The following PCDHGA9 variants were observed in gnomAD, a reference collection of about 807,000 sequenced individuals.
PCDHGA9 encodes the protein protocadherin gamma-A9.
PCDHGA9 carries 37 observed loss-of-function variants against 62.5 expected under a neutral mutation model. The ratio of observed to expected loss-of-function variants is 0.59; its 90% confidence interval spans 0.46 to 0.78. The LOEUF (loss-of-function observed/expected upper bound fraction) is 0.78, where lower values mean the gene tolerates loss of function less well. Among genes scored for constraint, PCDHGA9 ranks in the 30% least tolerant of loss-of-function variants. PCDHGA9 has a pLI of 0.00. For synonymous variants in PCDHGA9, 459 were observed against 484.6 expected (o/e 0.95, Z 0.69); for missense variants, 1,138 against 1,166.2 (o/e 0.98, Z 0.35).
intron 1 of PCDHGA9, among the ~76,000 whole-genome samples, chr5:141,469,207 G>T (rs2099193654): frequency 6.6e-6 from 1 of 151,820 alleles, no homozygotes; most frequent in African/African-American, 2.4e-5. Flanking sequence ...GCCTTTTGAA[G>T]TTGAGGCTTC....
intron 1 of PCDHGA9, chr5:141,423,310 G>A (rs1175296469): frequency 1.2e-6 from 2 of 1,614,180 alleles, no homozygotes; most frequent in Admixed American, 1.7e-5. Flanking sequence ...GCTGTACTTG[G>A]TGGTGGCGGT....
intron 1 of PCDHGA9, chr5:141,422,627 C>T: frequency 6.2e-7 from 1 of 1,613,350 alleles, no homozygotes; most frequent in Non-Finnish European, 8.5e-7. Flanking sequence ...GAAAACAACC[C>T]CAGGGGTGCC....
chr5:141,423,569 T>A, intron 1 of PCDHGA9: 2 of 1,613,480 alleles, frequency 1.2e-6, no homozygotes, highest in Non-Finnish European at 1.7e-6. Context: ...GACACGCTCA[T>A]CAGCCAGGAG....
Position 141,431,920 on chromosome 5 carries a change from A to C in PCDHGA9, c.2424+26544A>C. On this transcript the variant is annotated intron_variant, in intron 1 of 3. Transcript: ENST00000573521. The surrounding 1 kb of genome is among the most constrained non-coding windows in gnomAD (Gnocchi z 4.8). ...ACGGACAGGTGATCTGTTTCATCCA[A>C]GGAAATCTGCCCTTTAAATTAGAAA... 1 of 1,614,164 alleles carries C rather than the reference A, an allele frequency of 6.2e-7. No individual in the cohort carries two copies. Among genetic ancestry groups the C allele is most frequent in the Non-Finnish European group, 8.5e-7 (1 of 1,179,976 alleles).
chr5:141,431,571 A>T lies in PCDHGA9; in HGVS notation c.2424+26195A>T, dbSNP rs781289120. 1.2e-6 allele frequency: 2 copies of T among 1,614,026 alleles called. No homozygotes were observed. Among genetic ancestry groups the T allele is most frequent in the African/African-American group, 1.3e-5 (1 of 74,938 alleles). On this transcript the variant is annotated intron_variant, in intron 1 of 3. Coordinates refer to ENST00000573521, the MANE Select transcript of PCDHGA9 (RefSeq NM_018921.3). This position sits in a 1 kb window ranked among gnomAD's most constrained non-coding sequence, Gnocchi z 4.8. ...GTAGTCAACGCTACCGACCCTGACG[A>T]AGGAGTCAATGCGGAAGTGAGGTAT...
Position 141,491,713 on chromosome 5 carries a change from G to T in PCDHGA9, c.2425-3094G>T. The T allele has an allele frequency of 6.2e-7, 1 of 1,609,174 alleles. No individual in the cohort carries two copies. The highest frequency in any genetic ancestry group is 8.5e-7 in the Non-Finnish European group (1 of 1,178,054). On this transcript the variant is annotated intron_variant, in intron 1 of 3. Transcript: ENST00000573521. The surrounding 1 kb of genome is among the most constrained non-coding windows in gnomAD (Gnocchi z 6.9). ...GGAGCGGAGCCAGGTGAGGGGCTCG[G>T]CGCCGCCCCGGGCGACCCCTGGGGG...
At chr5:141,448,359 CTTTA>C in intron 1 of PCDHGA9, among the ~76,000 whole-genome samples, 1 of 152,074 alleles carries the variant, frequency 6.6e-6, no homozygotes, top group East Asian at 1.9e-4. Context: ...TAGTAGTTTT[CTTTA>C]TTTTATTTTT....
chr5:141,408,725 A>G, intron 1 of PCDHGA9: 1 of 1,610,988 alleles, frequency 6.2e-7, no homozygotes, highest in Non-Finnish European at 8.5e-7. Context: ...GATAAACTCT[A>G]ATCCTTATTT....
rs200646513 is a variant in PCDHGA9, at chr5:141,421,389, G to A, written c.2424+16013G>A. ...TGGGCAATATCTCCAAGGACCTGGG[G>A]CTGGAGCCCCGGGAGCTGGCGAAGC... On this transcript the variant is annotated intron_variant, in intron 1 of 3. Coordinates refer to ENST00000573521, the MANE Select transcript of PCDHGA9 (RefSeq NM_018921.3). The A allele has an allele frequency of 1.7e-3, 2,771 of 1,614,052 alleles. 5 individuals carry two copies. The highest frequency in any genetic ancestry group is 2.2e-3 in the Non-Finnish European group (2,560 of 1,179,918).
At chr5:141,414,285 A>G (rs766515802) in intron 1 of PCDHGA9, 1 of 1,613,634 alleles carries the variant, frequency 6.2e-7, no homozygotes, top group East Asian at 2.2e-5. Context: ...GAACAGTCGT[A>G]GCCCTTTTAA....
intron 1 of PCDHGA9, chr5:141,421,617 C>A (rs781622911): frequency 6.2e-7 from 1 of 1,613,768 alleles, no homozygotes; most frequent in South Asian, 1.1e-5. Flanking sequence ...TTAATGATAA[C>A]GCCCCCAGCT....
chr5:141,432,128 T>C lies in PCDHGA9; in HGVS notation c.2424+26752T>C. 3 of 1,614,080 alleles carry C rather than the reference T, an allele frequency of 1.9e-6. No homozygotes were observed. Among genetic ancestry groups the C allele is most frequent in the Non-Finnish European group, 2.5e-6 (3 of 1,180,016 alleles). On this transcript the variant is annotated intron_variant, in intron 1 of 3. Coordinates refer to ENST00000573521, the MANE Select transcript of PCDHGA9 (RefSeq NM_018921.3). This position sits in a 1 kb window ranked among gnomAD's most constrained non-coding sequence, Gnocchi z 6.0. ...CCCGCCGGTCTTCCCTCAGGCCTCC[T>C]ATTCCGCTTATATCCCAGAGAACAA... is the stretch of plus-strand genomic sequence containing the variant.
At position 141,491,733 on chromosome 5, in the gene PCDHGA9, TGGGGGCGGCAC is replaced by T; in HGVS notation, c.2425-3073_2425-3063del. 1.9e-6 allele frequency: 3 copies of T among 1,602,698 alleles called. No individual in the cohort carries two copies. The highest frequency in any genetic ancestry group is 2.6e-6 in the Non-Finnish European group (3 of 1,175,258). On this transcript the variant is annotated intron_variant, in intron 1 of 3. Coordinates refer to ENST00000573521, the MANE Select transcript of PCDHGA9 (RefSeq NM_018921.3). The surrounding 1 kb of genome is among the most constrained non-coding windows in gnomAD (Gnocchi z 6.9). ...GCTCGGCGCCGCCCCGGGCGACCCC[TGGGGGCGGCAC>T]TGGAGAAGCCGCCCGTCCTCATAAG...
rs1412265811 is a variant in PCDHGA9, at chr5:141,461,565, A to G, written c.2425-33242A>G. Among the ~76,000 whole-genome samples the G allele has an allele frequency of 2.6e-5, 4 of 152,178 alleles. No individual in the cohort carries two copies. The East Asian group carries it at 7.7e-4, about 29-fold the overall frequency. On this transcript the variant is annotated intron_variant, in intron 1 of 3. Coordinates refer to ENST00000573521, the MANE Select transcript of PCDHGA9 (RefSeq NM_018921.3). ...CCTTTGTCAGATGTGTACTTTGCAA[A>G]GATAATATTTTGGATGTTATATTTC...
chr5:141,420,277 A>C, intron 1 of PCDHGA9: 1 of 1,518,166 alleles, frequency 6.6e-7, no homozygotes, highest in Non-Finnish European at 8.9e-7. Flanking sequence ...TTAAACAGGT[A>C]AGTATTTAAA....
At chr5:141,494,644 G>A in intron 1 of PCDHGA9, 163 bp from the exon 2 acceptor site, 1 of 933,684 alleles carries the variant, frequency 1.1e-6, no homozygotes. Flanking sequence ...TGAGACCTGA[G>A]GTGTATTTTG....
intron 1 of PCDHGA9, chr5:141,430,820 G>C (rs1194897001): frequency 6.5e-7 from 1 of 1,541,598 alleles, no homozygotes; most frequent in East Asian, 2.3e-5. Context: ...AATCCTCCTG[G>C]GGACTCTGTG....
In PCDHGA9 at chr5:141,512,385, A is replaced by G. The variant is rs78180647; in HGVS notation, c.*1212A>G. 6,750 of 152,704 alleles carry G rather than the reference A, an allele frequency of 0.044. 413 individuals carry two copies. Among genetic ancestry groups the G allele is most frequent in the Admixed American group, 0.18 (2,745 of 15,296 alleles). The allele number at this position is 152,704 out of a possible 1,614,324, so 9.5% of individuals were successfully genotyped here. ...TAGGGCAGGGACCAAATGAACAGAAAGTCTCAGCCCAGGATGGGGCTTCTT... is the reference window on the plus strand; with the variant it reads ...TAGGGCAGGGACCAAATGAACAGAAGGTCTCAGCCCAGGATGGGGCTTCTT... On this transcript the variant is annotated 3_prime_UTR_variant, in exon 4 of 4. Coordinates refer to ENST00000573521, the MANE Select transcript of PCDHGA9 (RefSeq NM_018921.3).
intron 1 of PCDHGA9, among the ~76,000 whole-genome samples, chr5:141,475,204 A>G (rs2099360413): frequency 6.6e-6 from 1 of 152,176 alleles, no homozygotes; most frequent in African/African-American, 2.4e-5. Flanking sequence ...AGATCTTGGG[A>G]AAAGGATTGA....
Sources: allele counts gnomAD v4.1 joint callset (sites outside exome capture counted in the v4.1 genomes callset), GRCh38; gene constraint gnomAD v4.1.1; non-coding constraint Gnocchi (gnomAD v3.1); transcripts MANE v1.5; gene names NCBI Gene and HGNC (gene_info 2026-07-23, HGNC 2026-07-21).